GTF2H5: variants seen among roughly 807,000 people sequenced by gnomAD.
GTF2H5 encodes the protein general transcription factor IIH subunit 5, also known as TFB5 ortholog.
In GTF2H5, 5 loss-of-function variants were observed where a neutral mutation model predicts 7.1. The ratio of observed to expected loss-of-function variants is 0.71; its 90% CI spans 0.37 to 1.49. GTF2H5 has a LOEUF of 1.49. Ranked by LOEUF, GTF2H5 falls within the 40% of genes most tolerant of loss-of-function variation. GTF2H5 has a pLI of 0.03. For synonymous variants in GTF2H5, 30 were observed against 31.7 expected (o/e 0.95, Z 0.18); for missense variants, 80 against 83.0 (o/e 0.96, Z 0.14).
At chr6:158,171,046 A>T (rs1220064006) in intron 2 of GTF2H5, among the ~76,000 whole-genome samples, 1 of 152,136 alleles carries the variant, frequency 6.6e-6, no homozygotes, top group African/African-American at 2.4e-5. Context: ...TGAAAATACT[A>T]CTGTCTACTT....
intron 2 of GTF2H5, among the ~76,000 whole-genome samples, chr6:158,181,214 G>C (rs1786006247): frequency 6.6e-6 from 1 of 152,162 alleles, no homozygotes; most frequent in Non-Finnish European, 1.5e-5. Context: ...GTTCTAATTT[G>C]ATTGCACTGT....
At position 158,169,570 on chromosome 6, in the gene GTF2H5, T is replaced by C. The variant is rs181695939; in HGVS notation, c.-34-900T>C. The stretch of plus-strand genomic sequence containing the variant: ...TATACTGTATATTATATATAATATA[T>C]TGTATATTATATATAATATATTGTA... On this transcript the variant is annotated intron_variant, in intron 1 of 2. Transcript: ENST00000607778. Among the ~76,000 whole-genome samples, 346 of 62,228 alleles carry C rather than the reference T, an allele frequency of 5.6e-3. 29 individuals carry two copies. The highest frequency in any genetic ancestry group is 9.0e-3 in the African/African-American group (84 of 9,370). 40.8% of individuals were successfully genotyped at this position (62,228 alleles called of 152,430 possible).
intron 2 of GTF2H5, among the ~76,000 whole-genome samples, chr6:158,174,433 C>T (rs60892071): frequency 0.016 from 2,487 of 152,248 alleles, 77 homozygotes; most frequent in African/African-American, 0.057. Flanking sequence ...ATTGAAAAAT[C>T]AGGGCACTTG....
At chr6:158,176,690 AGAGGTGTGGGGT>A (rs1785939496) in intron 2 of GTF2H5, among the ~76,000 whole-genome samples, 1 of 152,184 alleles carries the variant, frequency 6.6e-6, no homozygotes, top group South Asian at 2.1e-4. Flanking sequence ...ACAGAAATAT[AGAGGTGTGGGGT>A]GAGAAATCAG....
rs376497189 is a variant in GTF2H5 at position 158,192,112 on chromosome 6, G to A, written c.171G>A (p.Val57=). ...AELVNVLQER[V]GELMDQNAFS... ...TGGTTAATGTCCTCCAGGAGCGAGT[G>A]GGTGAATTAATGGACCAAAATGCTT... The change falls in exon 3 of 3, where the codon GTG becomes GTA. Residue 57 remains valine (V), a synonymous_variant. Transcript: ENST00000607778. 1.5e-5 allele frequency: 25 copies of A among 1,613,524 alleles called. No homozygotes were observed. Among genetic ancestry groups the A allele is most frequent in the Non-Finnish European group, 1.9e-5 (23 of 1,179,896 alleles).
chr6:158,184,344 C>T (rs901424277), intron 2 of GTF2H5, among the ~76,000 whole-genome samples: 1 of 152,148 alleles, frequency 6.6e-6, no homozygotes, highest in Non-Finnish European at 1.5e-5. Context: ...TAACTTTATA[C>T]ATTATACATA....
intron 1 of GTF2H5, among the ~76,000 whole-genome samples, chr6:158,169,547 T>C (rs1583624626): frequency 1.1e-5 from 1 of 92,346 alleles, no homozygotes; most frequent in South Asian, 3.2e-4. Flanking sequence ...ATATATAATA[T>C]ACTGTATATT....
At chr6:158,183,914 G>A (rs1786042899) in intron 2 of GTF2H5, among the ~76,000 whole-genome samples, 1 of 152,214 alleles carries the variant, frequency 6.6e-6, no homozygotes, top group South Asian at 2.1e-4. Context: ...TGCACCCACT[G>A]TCCAACCAGT....
intron 2 of GTF2H5, chr6:158,190,739 A>G (rs1011239358): frequency 2.5e-5 from 10 of 397,412 alleles, no homozygotes; most frequent in African/African-American, 1.1e-4. Context: ...TACCTTTACA[A>G]TTGATATTGA....
intron 2 of GTF2H5, among the ~76,000 whole-genome samples, chr6:158,178,627 C>A (rs1473779219): frequency 6.6e-6 from 1 of 151,984 alleles, no homozygotes; most frequent in Non-Finnish European, 1.5e-5. Flanking sequence ...TTTTATATAT[C>A]TGTTGGCTGC....
intron 2 of GTF2H5, among the ~76,000 whole-genome samples, chr6:158,191,641 C>G (rs1367435112): frequency 6.6e-6 from 1 of 152,152 alleles, no homozygotes; most frequent in African/African-American, 2.4e-5. Flanking sequence ...CGCCACCACA[C>G]CCGGCTAATT....
intron 2 of GTF2H5, among the ~76,000 whole-genome samples, chr6:158,180,724 A>AT (rs1360833615): frequency 1.3e-5 from 2 of 151,522 alleles, no homozygotes; most frequent in East Asian, 3.9e-4. Flanking sequence ...CCCCTTTATC[A>AT]TTTTTTATTG....
chr6:158,175,251 G>A (rs554576789), intron 2 of GTF2H5, among the ~76,000 whole-genome samples: 1 of 152,182 alleles, frequency 6.6e-6, no homozygotes, highest in East Asian at 1.9e-4. Context: ...GTTTTAGTTT[G>A]AAACAGATGT....
At position 158,188,641 on chromosome 6, in the gene GTF2H5, T is replaced by C. The variant is rs9632486; in HGVS notation, c.36-3336T>C. Among the ~76,000 whole-genome samples, 118 of 150,242 alleles carry C rather than the reference T, an allele frequency of 7.9e-4. 1 individual carries two copies. Among genetic ancestry groups the C allele is most frequent in the African/African-American group, 2.9e-3 (115 of 39,522 alleles). On this transcript the variant is annotated intron_variant, in intron 2 of 2. Coordinates refer to ENST00000607778, the MANE Select transcript of GTF2H5 (RefSeq NM_207118.3). ...TAGAAAATCTTTTCATTTAAATTCTTATTCTGTATAATACTCAAATTAGAG... is the reference window on the plus strand; with the variant it reads ...TAGAAAATCTTTTCATTTAAATTCTCATTCTGTATAATACTCAAATTAGAG...
chr6:158,177,643 A>G (rs1426367770), intron 2 of GTF2H5, among the ~76,000 whole-genome samples: 2 of 152,146 alleles, frequency 1.3e-5, no homozygotes, highest in African/African-American at 4.8e-5. Flanking sequence ...ACATAGGTAT[A>G]CATGTGCCAT....
At chr6:158,175,046 A>G (rs868721524) in intron 2 of GTF2H5, among the ~76,000 whole-genome samples, 30 of 41,700 alleles carry the variant, frequency 7.2e-4, no homozygotes, top group East Asian at 2.3e-3. Context: ...GTGTGTGTGT[A>G]TACACACACA....
At chr6:158,185,610 A>G (rs916172964) in intron 2 of GTF2H5, among the ~76,000 whole-genome samples, 2 of 151,872 alleles carry the variant, frequency 1.3e-5, no homozygotes, top group African/African-American at 4.8e-5. Flanking sequence ...CTGGCCAGTC[A>G]TTCCTCTAAG....
chr6:158,192,192 C>T lies in GTF2H5; in HGVS notation c.*35C>T, dbSNP rs1289468545. ...ATATGGACCATTTAGGAATTATAAG[C>T]AGCAACTGTGAAAGACTTGCCACTC... On this transcript the variant is annotated 3_prime_UTR_variant, in exon 3 of 3. Transcript: ENST00000607778. 6.5e-6 allele frequency: 10 copies of T among 1,537,374 alleles called. No homozygotes were observed. The highest frequency in any genetic ancestry group is 1.1e-5 in the South Asian group (1 of 89,352).
rs1406427914 is a variant in GTF2H5 at position 158,192,225 on chromosome 6, T to G, written c.*68T>G. On this transcript the variant is annotated 3_prime_UTR_variant, in exon 3 of 3. Coordinates refer to ENST00000607778, the MANE Select transcript of GTF2H5 (RefSeq NM_207118.3). ...GTGAAAGACTTGCCACTCAATATCT[T>G]AGGTGACTGATTAGACATAGAGGGT... 1 of 1,196,134 alleles carries G rather than the reference T, an allele frequency of 8.4e-7. No homozygotes were observed. Among genetic ancestry groups the G allele is most frequent in the Non-Finnish European group, 1.2e-6 (1 of 805,580 alleles). 74.1% of individuals were successfully genotyped at this position (1,196,134 alleles called of 1,614,324 possible).
Sources: allele counts gnomAD v4.1 joint callset (sites outside exome capture counted in the v4.1 genomes callset), GRCh38; gene constraint gnomAD v4.1.1; transcripts MANE v1.5; gene names NCBI Gene and HGNC (gene_info 2026-07-23, HGNC 2026-07-21).